The following KHDRBS2 variants were observed in gnomAD, a reference collection of about 807,000 sequenced individuals.
The protein encoded by KHDRBS2 is KH domain-containing, RNA-binding, signal transduction-associated protein 2.
A neutral mutation model predicts 44.3 loss-of-function variants in KHDRBS2; 26 were observed. That is an observed-to-expected ratio of 0.59 (90% CI 0.43 to 0.81). KHDRBS2 has a LOEUF of 0.81. Among genes scored for constraint, KHDRBS2 ranks in the 40% least tolerant of loss-of-function variants. The pLI is 0.00. For synonymous variants in KHDRBS2, 194 were observed against 151.1 expected, an observed-to-expected ratio of 1.28 and a Z score of -2.08; for missense variants, 476 against 433.1, an observed-to-expected ratio of 1.10 and a Z score of -0.88.
intron 2 of KHDRBS2, among the ~76,000 whole-genome samples, chr6:62,055,372 T>A (rs1454267061): frequency 6.6e-6 from 1 of 152,022 alleles, no homozygotes; most frequent in Non-Finnish European, 1.5e-5. Flanking sequence ...TTTAAGACCA[T>A]GATGACATAA....
intron 2 of KHDRBS2, among the ~76,000 whole-genome samples, chr6:62,157,609 T>C (rs193107968): frequency 1.3e-5 from 2 of 152,318 alleles, no homozygotes; most frequent in Admixed American, 1.3e-4. Flanking sequence ...AAGTGGCATA[T>C]GAGTCAGAGG....
chr6:62,217,182 G>A (rs909941071), intron 1 of KHDRBS2, among the ~76,000 whole-genome samples: 9 of 151,634 alleles, frequency 5.9e-5, no homozygotes, highest in South Asian at 2.1e-4. Context: ...TCTCTTCGCC[G>A]TTTTCAATAA....
the KHDRBS2 span, among the ~76,000 whole-genome samples, chr6:61,562,431 A>C: frequency 1.3e-5 from 2 of 152,222 alleles, no homozygotes; most frequent in African/African-American, 4.8e-5. Flanking sequence ...AGACTAATAC[A>C]TATTAAAAAT....
At chr6:61,957,735 C>T (rs755583897) in intron 4 of KHDRBS2, among the ~76,000 whole-genome samples, 1 of 152,148 alleles carries the variant, frequency 6.6e-6, no homozygotes, top group African/African-American at 2.4e-5. Flanking sequence ...CCTGTGATCT[C>T]ACCCTGCCTC....
intron 4 of KHDRBS2, among the ~76,000 whole-genome samples, chr6:61,931,335 G>C (rs1177487981): frequency 2.0e-5 from 3 of 151,834 alleles, no homozygotes; most frequent in African/African-American, 7.2e-5. Flanking sequence ...ATAAAGGTTG[G>C]AAGTTTTATA....
chr6:61,584,370 C>A, the KHDRBS2 span, among the ~76,000 whole-genome samples: 3 of 151,740 alleles, frequency 2.0e-5, no homozygotes, highest in African/African-American at 7.2e-5. Context: ...GCTCAAATAG[C>A]TTGAGGAAGT....
At chr6:61,612,561 T>C in the KHDRBS2 span, among the ~76,000 whole-genome samples, 1 of 152,226 alleles carries the variant, frequency 6.6e-6, no homozygotes, top group Admixed American at 6.5e-5. Flanking sequence ...TTCTAAATGC[T>C]TACCATAGTG....
intron 7 of KHDRBS2, among the ~76,000 whole-genome samples, chr6:61,725,573 A>G (rs1050034004): frequency 7.9e-5 from 12 of 152,126 alleles, no homozygotes; most frequent in Non-Finnish European, 4.4e-5. Context: ...GAAAAGAGAA[A>G]AGAATCAAAT....
chr6:61,786,477 T>A (rs1447318749), intron 6 of KHDRBS2, among the ~76,000 whole-genome samples: 2 of 151,990 alleles, frequency 1.3e-5, no homozygotes, highest in Admixed American at 1.3e-4. Flanking sequence ...CATAATTTTG[T>A]CAAGAGAGTG....
At chr6:61,707,354 T>A (rs1769759115) in intron 7 of KHDRBS2, among the ~76,000 whole-genome samples, 1 of 151,804 alleles carries the variant, frequency 6.6e-6, no homozygotes, top group Non-Finnish European at 1.5e-5. Context: ...TCTTCATCTT[T>A]GCCATCAGGT....
intron 2 of KHDRBS2, among the ~76,000 whole-genome samples, chr6:62,127,271 A>G (rs1223894722): frequency 6.6e-6 from 1 of 152,206 alleles, no homozygotes. Flanking sequence ...TCTATGTGTT[A>G]CCAATGTTGC....
the KHDRBS2 span, among the ~76,000 whole-genome samples, chr6:61,616,528 CAT>C: frequency 1.1e-4 from 16 of 149,784 alleles, no homozygotes; most frequent in East Asian, 1.6e-3. Context: ...CCATTAATAA[CAT>C]AAATTTTTTT....
chr6:61,757,944 C>A (rs1778737700), intron 6 of KHDRBS2, among the ~76,000 whole-genome samples: 1 of 152,166 alleles, frequency 6.6e-6, no homozygotes, highest in African/African-American at 2.4e-5. Flanking sequence ...TTTAGGCAGT[C>A]ATTTTCCCCC....
intron 4 of KHDRBS2, among the ~76,000 whole-genome samples, chr6:61,955,052 A>G (rs1295212046): frequency 2.8e-5 from 4 of 144,862 alleles, no homozygotes; most frequent in Admixed American, 2.7e-4. Flanking sequence ...ATGTATACAT[A>G]TATGTATGTA....
intron 6 of KHDRBS2, among the ~76,000 whole-genome samples, chr6:61,790,169 T>G (rs190975757): frequency 1.4e-3 from 212 of 151,522 alleles, no homozygotes; most frequent in Non-Finnish European, 2.5e-3. Flanking sequence ...AGAAGATGTC[T>G]TTATAAGAAA....
intron 1 of KHDRBS2, among the ~76,000 whole-genome samples, chr6:62,195,834 G>A (rs927300091): frequency 2.6e-5 from 4 of 152,118 alleles, no homozygotes; most frequent in African/African-American, 9.7e-5. Context: ...GCTGGCCAGT[G>A]AGAACACTGA....
At chr6:61,807,129 A>G (rs1408146111) in intron 6 of KHDRBS2, among the ~76,000 whole-genome samples, 2 of 152,142 alleles carry the variant, frequency 1.3e-5, no homozygotes, top group Non-Finnish European at 2.9e-5. Flanking sequence ...GTGAGATACC[A>G]TCTCACCTAA....
chr6:62,002,315 T>C (rs1023952379), intron 3 of KHDRBS2, among the ~76,000 whole-genome samples: 3 of 110,042 alleles, frequency 2.7e-5, no homozygotes, highest in African/African-American at 8.9e-5. Flanking sequence ...TACATTGCTA[T>C]TGCTTGAAAT....
intron 4 of KHDRBS2, among the ~76,000 whole-genome samples, chr6:61,923,400 C>CA (rs1177829220): frequency 6.6e-6 from 1 of 151,810 alleles, no homozygotes; most frequent in Non-Finnish European, 1.5e-5. Flanking sequence ...TTTTGGAAGG[C>CA]AAAAACTTCC....
Sources: allele counts gnomAD v4.1 joint callset (sites outside exome capture counted in the v4.1 genomes callset), GRCh38; gene constraint gnomAD v4.1.1; transcripts MANE v1.5; gene names NCBI Gene and HGNC (gene_info 2026-07-23, HGNC 2026-07-21).